TMEM131: variants seen among roughly 807,000 people sequenced by gnomAD.
TMEM131 encodes 2610524E03Rik.
TMEM131 carries 66 observed loss-of-function variants against 211.6 expected under a neutral mutation model. The observed-to-expected ratio is 0.31, with a 90% confidence interval of 0.26 to 0.38. TMEM131 has a LOEUF of 0.38. TMEM131 is among the 10% of genes least tolerant of loss of function. The pLI is 1.00. For missense variants in TMEM131, 2,036 were observed against 2,299.3 expected, an observed-to-expected ratio of 0.89 and a Z score of 2.34; for synonymous variants, 844 against 841.3, an observed-to-expected ratio of 1.00 and a Z score of -0.06.
At chr2:97,802,370 A>T in intron 24 of TMEM131, 58 bp downstream of exon 24, 1 of 1,290,950 alleles carries the variant, frequency 7.7e-7, no homozygotes. Flanking sequence ...TTTTAAGTGA[A>T]TAAAATACTA....
chr2:97,943,097 GAA>G lies in TMEM131; in HGVS notation c.188-15612_188-15611del, dbSNP rs1299382377. Among the ~76,000 whole-genome samples the G allele has an allele frequency of 2.2e-4, 33 of 148,798 alleles. No homozygotes were observed. In the East Asian group the frequency reaches 5.4e-3, roughly 24 times the overall value. On this transcript the variant is annotated intron_variant, in intron 1 of 40. Coordinates refer to ENST00000186436, the MANE Select transcript of TMEM131 (RefSeq NM_015348.2). ...AGAAAGAAAGAAAGAAAGAAAGAAA[GAA>G]AGAGCTGGGTGTGGTGGTGCATGCC...
chr2:97,885,881 C>T (rs1031750501), intron 4 of TMEM131, among the ~76,000 whole-genome samples: 4 of 152,160 alleles, frequency 2.6e-5, no homozygotes, highest in Non-Finnish European at 5.9e-5. Context: ...AGCCTTTCTC[C>T]TTTCTCTTCT....
At chr2:97,787,915 C>T (rs1208292765) in intron 31 of TMEM131, among the ~76,000 whole-genome samples, 1 of 152,142 alleles carries the variant, frequency 6.6e-6, no homozygotes, top group Non-Finnish European at 1.5e-5. Context: ...AAACCTTAGT[C>T]TCCTAACATT....
chr2:97,952,967 G>C (rs1435304782), intron 1 of TMEM131, among the ~76,000 whole-genome samples: 2 of 152,166 alleles, frequency 1.3e-5, no homozygotes, highest in African/African-American at 4.8e-5. Flanking sequence ...CTTCAAAAAA[G>C]AAGGTAACAT....
rs545943901 is a variant in TMEM131 at position 97,805,070 on chromosome 2, T to G, written c.2402+18A>C. On this transcript the variant is annotated intron_variant, in intron 22 of 40. Coordinates refer to ENST00000186436, the MANE Select transcript of TMEM131 (RefSeq NM_015348.2). Reference sequence around the variant, plus strand: ...ATCTTGTAAAGATGGCTAAAATAAATAAACATAAACCACTCACCTATGACC... The same window carrying G: ...ATCTTGTAAAGATGGCTAAAATAAAGAAACATAAACCACTCACCTATGACC... 8 of 1,509,648 alleles carry G rather than the reference T, an allele frequency of 5.3e-6. No individual in the cohort carries two copies. Among genetic ancestry groups the G allele is most frequent in the Non-Finnish European group, 6.3e-6 (7 of 1,110,272 alleles). 93.5% of individuals were successfully genotyped at this position (1,509,648 alleles called of 1,614,324 possible).
chr2:97,806,226 T>C (rs1327172760), intron 19 of TMEM131, among the ~76,000 whole-genome samples: 2 of 152,220 alleles, frequency 1.3e-5, no homozygotes, highest in African/African-American at 2.4e-5. Context: ...AATTATGGGT[T>C]GTCAAGTATC....
intron 33 of TMEM131, among the ~76,000 whole-genome samples, chr2:97,770,412 C>T (rs1050564715): frequency 2.0e-5 from 3 of 152,178 alleles, no homozygotes; most frequent in African/African-American, 7.2e-5. Context: ...CAGTTTCAAG[C>T]ACACGGCTTG....
chr2:97,946,709 C>G (rs1678059911), intron 1 of TMEM131, among the ~76,000 whole-genome samples: 1 of 151,322 alleles, frequency 6.6e-6, no homozygotes, highest in Admixed American at 6.6e-5. Flanking sequence ...ACAGGAGAAA[C>G]TCTCCAAACT....
chr2:97,759,288 T>G, intron 39 of TMEM131: 1 of 574,006 alleles, frequency 1.7e-6, no homozygotes, highest in Non-Finnish European at 3.1e-6. Context: ...CTTTCCCCAC[T>G]CTCACATGAT....
At chr2:97,819,698 G>T (rs1682018646) in intron 11 of TMEM131, among the ~76,000 whole-genome samples, 1 of 152,170 alleles carries the variant, frequency 6.6e-6, no homozygotes, top group South Asian at 2.1e-4. Context: ...GGTTGTATTT[G>T]TTGAATTATG....
chr2:97,891,304 G>A (rs1249053395), intron 3 of TMEM131, among the ~76,000 whole-genome samples: 2 of 152,008 alleles, frequency 1.3e-5, no homozygotes, highest in Admixed American at 6.6e-5. Context: ...TCGTTATGTT[G>A]CCCAAGCTGG....
At position 97,805,163 on chromosome 2, in the gene TMEM131, A is replaced by G. The variant is rs150418544; in HGVS notation, c.2327T>C (p.Met776Thr). The G allele has an allele frequency of 2.0e-4, 324 of 1,613,890 alleles. No homozygotes were observed. The highest frequency in any genetic ancestry group is 1.1e-3 in the East Asian group (48 of 44,874). Residue 776 changes from methionine to threonine, a missense_variant, in exon 22 of 41, where the codon ATG becomes ACG. Met to Thr is a moderately conservative substitution (Grantham distance 81). Around this residue, in one of 3 missense-constraint regions of TMEM131, gnomAD observed 1,623 missense variants for 1,805.9 expected, o/e 0.90. Coordinates refer to ENST00000186436, the MANE Select transcript of TMEM131 (RefSeq NM_015348.2). ...ATGCAAATCCCAGTCAGCATCCCACATATCTTCCTGCATGGCTACACCAGG... is the reference window on the plus strand; with the variant it reads ...ATGCAAATCCCAGTCAGCATCCCACGTATCTTCCTGCATGGCTACACCAGG... ...VQPGVAMQED[M>T]WDADWDLHQS...
At chr2:97,867,676 G>A (rs1674327306) in intron 4 of TMEM131, among the ~76,000 whole-genome samples, 1 of 152,162 alleles carries the variant, frequency 6.6e-6, no homozygotes, top group South Asian at 2.1e-4. Flanking sequence ...AGAGTGGGGT[G>A]GGTGAAGAGA....
chr2:97,832,159 T>C (rs1682731682), intron 11 of TMEM131, among the ~76,000 whole-genome samples: 1 of 152,142 alleles, frequency 6.6e-6, no homozygotes, highest in Admixed American at 6.5e-5. Flanking sequence ...TCACTTACAA[T>C]ATATCCTAAA....
chr2:97,794,424 TG>T (rs1680663522), intron 29 of TMEM131, among the ~76,000 whole-genome samples: 1 of 152,214 alleles, frequency 6.6e-6, no homozygotes, highest in Non-Finnish European at 1.5e-5. Flanking sequence ...GCCTGGAATT[TG>T]ATTTTTCTTT....
rs1215312875 is a variant in TMEM131, at chr2:97,756,937, G to C, written c.*162C>G. 5.4e-6 allele frequency: 4 copies of C among 735,304 alleles called. No homozygotes were observed. Among genetic ancestry groups the C allele is most frequent in the Non-Finnish European group, 8.2e-6 (4 of 490,148 alleles). The allele number at this position is 735,304 out of a possible 1,614,324, so 45.5% of individuals were successfully genotyped here. ...GTTATCATAATTGCAAGAAAGATCT[G>C]AAAGAAGCGAGTGGTCTGAGCCTGC... On this transcript the variant is annotated 3_prime_UTR_variant, in exon 41 of 41. Transcript: ENST00000186436.
At chr2:97,819,227 G>A (rs1057420087) in intron 11 of TMEM131, among the ~76,000 whole-genome samples, 7 of 152,138 alleles carry the variant, frequency 4.6e-5, no homozygotes, top group Admixed American at 1.3e-4. Context: ...ATGGCTCTGC[G>A]AGTGAGGCAT....
At chr2:97,908,516 A>G in intron 3 of TMEM131, 142 bp downstream of exon 3, 1 of 610,124 alleles carries the variant, frequency 1.6e-6, no homozygotes, top group Non-Finnish European at 2.9e-6. Context: ...CACACACAAC[A>G]CTTAGAAATA....
intron 1 of TMEM131, among the ~76,000 whole-genome samples, chr2:97,955,453 A>C (rs747108884): frequency 6.6e-6 from 1 of 152,190 alleles, no homozygotes; most frequent in Non-Finnish European, 1.5e-5. Context: ...ATACTGCAAT[A>C]AGGCAAGGAA....
Sources: allele counts gnomAD v4.1 joint callset (sites outside exome capture counted in the v4.1 genomes callset), GRCh38; gene constraint gnomAD v4.1.1; regional missense constraint gnomAD v4.1.1; transcripts MANE v1.5; gene names NCBI Gene and HGNC (gene_info 2026-07-23, HGNC 2026-07-21).